Variants in ANKRD11 observed in about 807,000 individuals in gnomAD.
ANKRD11 encodes the protein ankyrin repeat domain-containing protein 11.
ANKRD11 carries 17 observed loss-of-function variants against 195.7 expected under a neutral mutation model. The observed-to-expected ratio is 0.09, with a 90% CI of 0.06 to 0.13. The LOEUF (loss-of-function observed/expected upper bound fraction) is 0.13. ANKRD11 is among the 10% of genes least tolerant of loss of function. ANKRD11 has a pLI of 1.00. For missense variants in ANKRD11, 3,735 were observed against 3,566.1 expected (o/e 1.05, Z -1.21); for synonymous variants, 1,953 against 1,528.1 (o/e 1.28, Z -6.49).
intron 1 of ANKRD11, among the ~76,000 whole-genome samples, chr16:89,437,957 A>G (rs530703343): frequency 1.8e-4 from 27 of 152,328 alleles, no homozygotes; most frequent in African/African-American, 6.5e-4. Context: ...CATCTGTAGA[A>G]AGAAAAATTC....
intron 2 of ANKRD11, among the ~76,000 whole-genome samples, chr16:89,368,848 C>G (rs1165988615): frequency 6.6e-6 from 1 of 152,074 alleles, no homozygotes; most frequent in East Asian, 1.9e-4. Context: ...CACAGTGAGT[C>G]CTGACCAAGC....
intron 9 of ANKRD11, among the ~76,000 whole-genome samples, chr16:89,276,842 G>C (rs1272502173): frequency 6.6e-6 from 1 of 152,266 alleles, no homozygotes; most frequent in East Asian, 1.9e-4. Context: ...CGGATCACAA[G>C]GTCAGGAGTT....
At chr16:89,471,342 G>C (rs1459558407) in intron 1 of ANKRD11, among the ~76,000 whole-genome samples, 1 of 152,156 alleles carries the variant, frequency 6.6e-6, no homozygotes, top group South Asian at 2.1e-4. Context: ...CCTGTGTGGA[G>C]TGGTGCTCTC....
At chr16:89,287,149 C>A in intron 7 of ANKRD11, 1 of 1,281,194 alleles carries the variant, frequency 7.8e-7, no homozygotes, top group South Asian at 1.2e-5. Flanking sequence ...AGGGCTGGGA[C>A]GGAGGTCCCC....
intron 1 of ANKRD11, among the ~76,000 whole-genome samples, chr16:89,440,780 C>T (rs1429779570): frequency 6.6e-6 from 1 of 152,204 alleles, no homozygotes; most frequent in African/African-American, 2.4e-5. Flanking sequence ...GAAAGGGGGC[C>T]ACCTGCCTCC....
At chr16:89,286,630 G>C (rs1017142517) in intron 7 of ANKRD11, 16 of 1,201,596 alleles carry the variant, frequency 1.3e-5, no homozygotes, top group South Asian at 9.1e-5. Context: ...GAAAGGGTTG[G>C]GGGGACAGAA....
At chr16:89,468,485 A>G (rs916024156) in intron 1 of ANKRD11, among the ~76,000 whole-genome samples, 3 of 152,182 alleles carry the variant, frequency 2.0e-5, no homozygotes, top group East Asian at 1.9e-4. Flanking sequence ...CAGGTGGATC[A>G]CTTGAGGCCA....
intron 9 of ANKRD11, chr16:89,278,195 G>A (rs72821355): frequency 0.034 from 10,430 of 309,418 alleles, 290 homozygotes; most frequent in East Asian, 0.064. Context: ...TGGGGGGCCT[G>A]AGAACAGGAG....
Position 89,280,382 on chromosome 16 carries a change from C to T in ANKRD11, c.6160G>A (p.Ala2054Thr). ...AGCCCGGAGGGAGGGGCGTAGGGAG[C>T]CGCCTCTGAGGTGGAGATGGCGGCG... ...VPAAISTSEAAPYAPPSGLES... is the reference protein window; with the variant it reads ...VPAAISTSEATPYAPPSGLES... Residue 2054 changes from alanine to threonine, a missense_variant, in exon 9 of 13, where the codon GCT becomes ACT. Physicochemically the swap from Ala to Thr is moderately conservative, Grantham distance 58. Transcript: ENST00000301030. The T allele has an allele frequency of 1.9e-6, 3 of 1,561,878 alleles. No individual in the cohort carries two copies. The highest frequency in any genetic ancestry group is 1.7e-4 in the Middle Eastern group (1 of 5,756).
chr16:89,279,000 G>A lies in ANKRD11; in HGVS notation c.7470+72C>T, dbSNP rs3096305. ...ATGAGTGGGACAAGACGGGCTGGAGGAAGCCGTGACTAGGGGCCCCAGACG... is the reference window on the plus strand; with the variant it reads ...ATGAGTGGGACAAGACGGGCTGGAGAAAGCCGTGACTAGGGGCCCCAGACG... On this transcript the variant is annotated intron_variant, in intron 9 of 12. Transcript: ENST00000301030. 1,097,051 of 1,585,072 alleles carry A rather than the reference G, an allele frequency of 0.69. 389,466 individuals are homozygous for A. The highest frequency in any genetic ancestry group is 0.74 in the Non-Finnish European group (859,928 of 1,165,716).
chr16:89,306,277 C>A lies in ANKRD11; in HGVS notation c.88-933G>T, dbSNP rs113863297. Among the ~76,000 whole-genome samples, 23 of 63,226 alleles carry A rather than the reference C, an allele frequency of 3.6e-4. 1 individual carries two copies. The highest frequency in any genetic ancestry group is 7.4e-4 in the South Asian group (1 of 1,350). The allele number at this position is 63,226 out of a possible 152,430, so 41.5% of individuals were successfully genotyped here. ...CGCAGACACGCGCCACTTACCTCCC[C>A]CTCCGCAGACACACGCCACCTACCT... On this transcript the variant is annotated intron_variant, in intron 3 of 12. Transcript: ENST00000301030.
intron 4 of ANKRD11, chr16:89,301,557 T>C: frequency 2.5e-6 from 1 of 398,796 alleles, no homozygotes. Context: ...GGCCGGGACA[T>C]GGCAGGTGCC....
At chr16:89,349,684 A>C (rs2039115576) in intron 2 of ANKRD11, among the ~76,000 whole-genome samples, 1 of 152,200 alleles carries the variant, frequency 6.6e-6, no homozygotes, top group Admixed American at 6.5e-5. Context: ...ACTGAAAACT[A>C]TGTATCTTGT....
intron 7 of ANKRD11, chr16:89,287,008 T>C: frequency 7.8e-7 from 1 of 1,289,628 alleles, no homozygotes; most frequent in South Asian, 1.2e-5. Context: ...TTCTTATGTG[T>C]GTGAGTTTTC....
In ANKRD11 at chr16:89,324,349, A is replaced by G. The variant is rs184925040; in HGVS notation, c.-59-7271T>C. 1,021 of 1,086,882 alleles carry G rather than the reference A, an allele frequency of 9.4e-4. 11 individuals carry two copies. The African/African-American group carries it at 0.015, about 16-fold the overall frequency. The allele number at this position is 1,086,882 out of a possible 1,614,324, so 67.3% of individuals were successfully genotyped here. On this transcript the variant is annotated intron_variant, in intron 2 of 12. Coordinates refer to ENST00000301030, the MANE Select transcript of ANKRD11 (RefSeq NM_013275.6). ...CGGGGCGACGTGGGTGCCTCACAGA[A>G]GAGGGAAAAAGCCAGGAGGGCGGCA...
At chr16:89,379,366 A>ACGGGG (rs1170375259) in intron 2 of ANKRD11, among the ~76,000 whole-genome samples, 3 of 152,256 alleles carry the variant, frequency 2.0e-5, no homozygotes, top group Non-Finnish European at 4.4e-5. Context: ...TTACCAGTGA[A>ACGGGG]CGGGGCTTTC....
chr16:89,362,446 G>T (rs543548463), intron 2 of ANKRD11, among the ~76,000 whole-genome samples: 2 of 152,214 alleles, frequency 1.3e-5, no homozygotes, highest in African/African-American at 4.8e-5. Context: ...ACAGAATGAA[G>T]TGAACAGCAC....
At chr16:89,426,800 C>A (rs923375069) in intron 1 of ANKRD11, among the ~76,000 whole-genome samples, 2 of 152,220 alleles carry the variant, frequency 1.3e-5, no homozygotes, top group Admixed American at 1.3e-4. Context: ...CACTGGGAAA[C>A]AGAAAAGACG....
chr16:89,368,572 C>T (rs935616152), intron 2 of ANKRD11, among the ~76,000 whole-genome samples: 4 of 147,914 alleles, frequency 2.7e-5, no homozygotes, highest in African/African-American at 1.0e-4. Flanking sequence ...ATTTCTTGCT[C>T]TAAGGGAAAA....
Sources: allele counts gnomAD v4.1 joint callset (sites outside exome capture counted in the v4.1 genomes callset), GRCh38; gene constraint gnomAD v4.1.1; transcripts MANE v1.5; gene names NCBI Gene and HGNC (gene_info 2026-07-23, HGNC 2026-07-21).